NRCAM: variants seen among roughly 807,000 people sequenced by gnomAD.
NRCAM encodes the protein NgCAM-related cell adhesion molecule.
Under a neutral mutation model 156.5 loss-of-function variants are expected in NRCAM, and 83 were observed. That is an observed-to-expected ratio of 0.53 (90% confidence interval 0.44 to 0.64). NRCAM has a LOEUF of 0.64. Among genes scored for constraint, NRCAM ranks in the 30% least tolerant of loss-of-function variants. NRCAM has a pLI of 0.00. For synonymous variants in NRCAM, 538 were observed against 563.9 expected, an observed-to-expected ratio of 0.95 and a Z score of 0.65; for missense variants, 1,417 against 1,597.3, an observed-to-expected ratio of 0.89 and a Z score of 1.92.
At chr7:108,335,796 T>C (rs1436494103) in intron 2 of NRCAM, among the ~76,000 whole-genome samples, 4 of 152,192 alleles carry the variant, frequency 2.6e-5, no homozygotes, top group Admixed American at 6.5e-5. Context: ...AGCTCACACA[T>C]AGGACAGATC....
chr7:108,165,506 T>C (rs1472958101), intron 30 of NRCAM, among the ~76,000 whole-genome samples: 1 of 152,230 alleles, frequency 6.6e-6, no homozygotes, highest in Non-Finnish European at 1.5e-5. Context: ...ACTTGACTTT[T>C]AGTATTTTGA....
At chr7:108,373,406 G>A (rs917591564) in intron 2 of NRCAM, among the ~76,000 whole-genome samples, 6 of 152,084 alleles carry the variant, frequency 3.9e-5, no homozygotes, top group Non-Finnish European at 8.8e-5. Flanking sequence ...TCAAAAAATG[G>A]CACAAGGACA....
chr7:108,180,449 T>C, intron 24 of NRCAM, 22 bp from the exon 25 acceptor site: 1 of 1,592,434 alleles, frequency 6.3e-7, no homozygotes, highest in South Asian at 1.1e-5. Context: ...AGAACGAAAG[T>C]CAGGAATGCA....
chr7:108,400,054 T>C (rs180977273), intron 1 of NRCAM, among the ~76,000 whole-genome samples: 2 of 152,242 alleles, frequency 1.3e-5, no homozygotes, highest in South Asian at 2.1e-4. Context: ...AGGTTGACAA[T>C]GTCAGAGAGG....
At chr7:108,387,798 A>C (rs2099745888) in intron 2 of NRCAM, among the ~76,000 whole-genome samples, 1 of 149,010 alleles carries the variant, frequency 6.7e-6, no homozygotes, top group Non-Finnish European at 1.5e-5. Context: ...TATGAGTGAG[A>C]ACATGCAGTG....
chr7:108,455,291 C>A (rs1284738760), intron 1 of NRCAM, among the ~76,000 whole-genome samples: 2 of 152,120 alleles, frequency 1.3e-5, no homozygotes, highest in East Asian at 1.9e-4. Flanking sequence ...CGCCCACCCG[C>A]GCGGCGTGGA....
chr7:108,425,868 C>T (rs1816646856), intron 1 of NRCAM, among the ~76,000 whole-genome samples: 1 of 152,208 alleles, frequency 6.6e-6, no homozygotes, highest in Admixed American at 6.5e-5. Flanking sequence ...AGTCCAATTA[C>T]TAAGGAAAGC....
intron 3 of NRCAM, among the ~76,000 whole-genome samples, chr7:108,300,189 T>TA (rs1554481918): frequency 2.3e-5 from 3 of 129,944 alleles, no homozygotes; most frequent in South Asian, 2.5e-4. Flanking sequence ...TTTTTTTTTT[T>TA]ACAAAAGAGC....
At chr7:108,204,106 G>A (rs2079701555) in intron 13 of NRCAM, among the ~76,000 whole-genome samples, 1 of 152,200 alleles carries the variant, frequency 6.6e-6, no homozygotes, top group African/African-American at 2.4e-5. Context: ...TTTCCAGGAT[G>A]GTCCCTAACC....
intron 3 of NRCAM, among the ~76,000 whole-genome samples, chr7:108,266,546 T>C (rs1306903275): frequency 6.6e-6 from 1 of 152,314 alleles, no homozygotes; most frequent in Non-Finnish European, 1.5e-5. Context: ...ATGATATTTT[T>C]TGGGGGGAAT....
intron 2 of NRCAM, among the ~76,000 whole-genome samples, chr7:108,337,978 G>A (rs751895471): frequency 1.3e-5 from 2 of 152,198 alleles, no homozygotes; most frequent in African/African-American, 4.8e-5. Context: ...CGTGGCCTCC[G>A]GACTTAAGAC....
chr7:108,406,272 G>A (rs2099807299), intron 1 of NRCAM, among the ~76,000 whole-genome samples: 1 of 152,170 alleles, frequency 6.6e-6, no homozygotes, highest in Non-Finnish European at 1.5e-5. Flanking sequence ...AAGATGAGAA[G>A]TGATTTTAGG....
chr7:108,214,693 T>C (rs1290592072), intron 11 of NRCAM, among the ~76,000 whole-genome samples: 1 of 152,228 alleles, frequency 6.6e-6, no homozygotes, highest in East Asian at 1.9e-4. Flanking sequence ...ATTGTGATGT[T>C]AGGGTATCAA....
At chr7:108,257,048 A>AAGGG (rs139101107) in intron 3 of NRCAM, among the ~76,000 whole-genome samples, 6 of 144,194 alleles carry the variant, frequency 4.2e-5, no homozygotes, top group African/African-American at 1.5e-4. Flanking sequence ...GAAAAGAAGG[A>AAGGG]AGGGAGGGAG....
chr7:108,235,707 T>C (rs768503477), intron 5 of NRCAM, among the ~76,000 whole-genome samples: 4 of 152,052 alleles, frequency 2.6e-5, no homozygotes, highest in African/African-American at 7.2e-5. Flanking sequence ...CTGGAGGCCA[T>C]TTCAATGGTC....
At chr7:108,239,002 C>T (rs1363570132) in intron 4 of NRCAM, among the ~76,000 whole-genome samples, 1 of 152,038 alleles carries the variant, frequency 6.6e-6, no homozygotes, top group Non-Finnish European at 1.5e-5. Flanking sequence ...TGCTATCTTC[C>T]TTGCACCTTG....
intron 30 of NRCAM, among the ~76,000 whole-genome samples, chr7:108,166,706 G>A (rs73725368): frequency 1.4e-4 from 22 of 152,134 alleles, no homozygotes; most frequent in African/African-American, 5.1e-4. Flanking sequence ...GATGGTTTTT[G>A]GTAATAATGT....
At chr7:108,278,652 A>G (rs2097740173) in intron 3 of NRCAM, among the ~76,000 whole-genome samples, 3 of 152,208 alleles carry the variant, frequency 2.0e-5, no homozygotes, top group African/African-American at 7.2e-5. Flanking sequence ...TCCTCCAGAT[A>G]CAGTCACTCA....
chr7:108,392,748 G>C (rs2154378831), intron 2 of NRCAM, among the ~76,000 whole-genome samples: 1 of 152,264 alleles, frequency 6.6e-6, no homozygotes, highest in South Asian at 2.1e-4. Flanking sequence ...TGGGGTTTTG[G>C]TGTGGATGTC....
Sources: allele counts gnomAD v4.1 joint callset (sites outside exome capture counted in the v4.1 genomes callset), GRCh38; gene constraint gnomAD v4.1.1; transcripts MANE v1.5; gene names NCBI Gene and HGNC (gene_info 2026-07-23, HGNC 2026-07-21).